The following FBXO31 variants were observed in gnomAD, a reference collection of about 807,000 sequenced individuals.
The protein encoded by FBXO31 is F-box only protein 31.
FBXO31 carries 24 observed loss-of-function variants against 54.4 expected under a neutral mutation model. The ratio of observed to expected loss-of-function variants is 0.44; its 90% CI spans 0.32 to 0.62. The LOEUF (loss-of-function observed/expected upper bound fraction) is 0.62, where lower values mean the gene tolerates loss of function less well. FBXO31 is among the 20% of genes least tolerant of loss of function. FBXO31 has a pLI of 0.05. For missense variants in FBXO31, 665 were observed against 787.1 expected (o/e 0.84, Z 1.86); for synonymous variants, 388 against 335.6 (o/e 1.16, Z -1.71).
intron 1 of FBXO31, among the ~76,000 whole-genome samples, chr16:87,374,441 G>C (rs984760556): frequency 6.6e-6 from 1 of 152,110 alleles, no homozygotes; most frequent in East Asian, 1.9e-4. Flanking sequence ...GATTTATTGG[G>C]TACTGCACTG....
Position 87,343,804 on chromosome 16 carries a change from C to T in FBXO31, c.490-39G>A, listed in dbSNP as rs768282215. The T allele has an allele frequency of 1.1e-5, 18 of 1,610,406 alleles. No homozygotes were observed. The East Asian group carries it at 2.2e-4, about 20-fold the overall frequency. On this transcript the variant is annotated intron_variant, in intron 3 of 8. Coordinates refer to ENST00000311635, the MANE Select transcript of FBXO31 (RefSeq NM_024735.5). ...TGGGCAAAGGTCCATGAGTGGCTCCCGGGCCAGAGCAAGGGCGGCCCCGCA... is the reference window on the plus strand; with the variant it reads ...TGGGCAAAGGTCCATGAGTGGCTCCTGGGCCAGAGCAAGGGCGGCCCCGCA...
rs796789618 is a variant in FBXO31, at chr16:87,358,951, G to C, written c.412+1344C>G. Among the ~76,000 whole-genome samples the C allele has an allele frequency of 1.3e-5, 2 of 152,120 alleles. No individual in the cohort carries two copies. On this transcript the variant is annotated intron_variant, in intron 2 of 8. Transcript: ENST00000311635. This position sits in a 1 kb window ranked among gnomAD's most constrained non-coding sequence, Gnocchi z 4.0. The stretch of plus-strand genomic sequence containing the variant: ...CAGCCTGCTAACTCAGGCCAGCCTC[G>C]TCACAGGTCATCCAAGGTTGCCCAA...
chr16:87,337,848 A>C (rs985970647), intron 5 of FBXO31, among the ~76,000 whole-genome samples: 7 of 152,164 alleles, frequency 4.6e-5, no homozygotes, highest in African/African-American at 1.4e-4. Context: ...AATGGAGCCT[A>C]TCTTTGCAAA....
chr16:87,378,194 C>G (rs1906914417), intron 1 of FBXO31, among the ~76,000 whole-genome samples: 1 of 151,402 alleles, frequency 6.6e-6, no homozygotes, highest in African/African-American at 2.4e-5. Flanking sequence ...GAAATCTATC[C>G]AGATTACATA....
At chr16:87,366,699 G>A (rs1476182068) in intron 1 of FBXO31, among the ~76,000 whole-genome samples, 1 of 152,200 alleles carries the variant, frequency 6.6e-6, no homozygotes, top group Non-Finnish European at 1.5e-5. Context: ...AGAAACTGAT[G>A]AAAGAGCTCC....
intron 2 of FBXO31, among the ~76,000 whole-genome samples, chr16:87,349,029 A>G (rs1367694457): frequency 6.6e-6 from 1 of 152,230 alleles, no homozygotes; most frequent in African/African-American, 2.4e-5. Flanking sequence ...CAGAGACAGG[A>G]AACATTCATA....
chr16:87,384,203 A>G (rs1338089107), upstream of FBXO31: 1 of 152,498 alleles, frequency 6.6e-6, no homozygotes, highest in Admixed American at 6.5e-5. Context: ...GCCGGTGAGT[A>G]GAAAGATGCG....
rs1422261788 is a variant in FBXO31 at position 87,338,719 on chromosome 16, T to C, written c.733-2455A>G. Among the ~76,000 whole-genome samples, 2 of 152,032 alleles carry C rather than the reference T, an allele frequency of 1.3e-5. No individual in the cohort carries two copies. The highest frequency in any genetic ancestry group is 2.9e-5 in the Non-Finnish European group (2 of 68,008). On this transcript the variant is annotated intron_variant, in intron 5 of 8. Transcript: ENST00000311635. This position sits in a 1 kb window ranked among gnomAD's most constrained non-coding sequence, Gnocchi z 4.3. ...ATGCAGGGATGCCAAAGAGACTGCATTGCCCTCGAAGCCTCCCCTGTCCAG... is the reference window on the plus strand; with the variant it reads ...ATGCAGGGATGCCAAAGAGACTGCACTGCCCTCGAAGCCTCCCCTGTCCAG...
chr16:87,350,451 G>A (rs1375971101), intron 2 of FBXO31, among the ~76,000 whole-genome samples: 2 of 152,170 alleles, frequency 1.3e-5, no homozygotes, highest in African/African-American at 4.8e-5. Flanking sequence ...ACAGGACACA[G>A]TCAAGCCAGT....
intron 1 of FBXO31, among the ~76,000 whole-genome samples, chr16:87,372,570 GT>G (rs1415295072): frequency 1.3e-5 from 2 of 151,992 alleles, no homozygotes; most frequent in East Asian, 3.9e-4. Flanking sequence ...ATTTCTTTTT[GT>G]TTTTTTAGAG....
Position 87,331,277 on chromosome 16 carries a change from G to C in FBXO31, c.*11C>G. 1 of 1,610,800 alleles carries C rather than the reference G, an allele frequency of 6.2e-7. No individual in the cohort carries two copies. The highest frequency in any genetic ancestry group is 1.7e-5 in the Admixed American group (1 of 59,968). On this transcript the variant is annotated 3_prime_UTR_variant, in exon 9 of 9. Transcript: ENST00000311635. ...GAGCCACCCGGGATGTGGCGGCAAG[G>C]ATGTGGCCGGTCAGGAGGTGAGGGA...
intron 1 of FBXO31, among the ~76,000 whole-genome samples, chr16:87,366,019 A>T (rs2150689683): frequency 6.6e-6 from 1 of 152,286 alleles, no homozygotes; most frequent in East Asian, 1.9e-4. Flanking sequence ...ACAGTGTGAG[A>T]CTGCTTCTCA....
intron 2 of FBXO31, among the ~76,000 whole-genome samples, chr16:87,356,385 G>A (rs6419429): frequency 0.98 from 149,119 of 152,262 alleles, 73,098 homozygotes; most frequent in East Asian, 1. Flanking sequence ...AGTCTAGAAC[G>A]GCACAAATGT....
upstream of FBXO31, among the ~76,000 whole-genome samples, chr16:87,390,891 C>T (rs942564226): frequency 1.3e-5 from 2 of 152,146 alleles, no homozygotes; most frequent in Non-Finnish European, 2.9e-5. Flanking sequence ...GAGCCACCGC[C>T]CCCCGCTATT....
In FBXO31 at chr16:87,360,353, G is replaced by A. The variant is rs753764661; in HGVS notation, c.354C>T (p.Cys118=). 1.3e-5 allele frequency: 21 copies of A among 1,613,902 alleles called. No homozygotes were observed. Among genetic ancestry groups the A allele is most frequent in the African/African-American group, 2.7e-5 (2 of 74,930 alleles). ...RRRCREEYGV[C]ENLRKLEITG... is the part of the protein sequence containing the mutation. Reference sequence around the variant, plus strand: ...TGATCTCCAGCTTCCGCAAGTTTTCGCAAACACCATACTCTGTAACAAGAA... The same window carrying A: ...TGATCTCCAGCTTCCGCAAGTTTTCACAAACACCATACTCTGTAACAAGAA... The change falls in exon 2 of 9, where the codon TGC becomes TGT. Residue 118 remains cysteine (C), a synonymous_variant. Coordinates refer to ENST00000311635, the MANE Select transcript of FBXO31 (RefSeq NM_024735.5).
intron 1 of FBXO31, among the ~76,000 whole-genome samples, chr16:87,364,672 A>G (rs771713390): frequency 6.6e-6 from 1 of 152,184 alleles, no homozygotes; most frequent in Non-Finnish European, 1.5e-5. Flanking sequence ...CTTATCAGCT[A>G]CAGTGAACTC....
At chr16:87,339,273 C>T (rs1338884873) in intron 5 of FBXO31, among the ~76,000 whole-genome samples, 2 of 152,232 alleles carry the variant, frequency 1.3e-5, no homozygotes, top group African/African-American at 4.8e-5. Flanking sequence ...TCCAGACCTC[C>T]TGGGATGTCC....
chr16:87,336,336 G>A lies in FBXO31; in HGVS notation c.733-72C>T. Reference sequence around the variant, plus strand: ...TGAAGAGGCTGCCGGCTGTGCCGCTGAGAGGACACAGTGTGTCCTTCTTTG... The same window carrying A: ...TGAAGAGGCTGCCGGCTGTGCCGCTAAGAGGACACAGTGTGTCCTTCTTTG... On this transcript the variant is annotated intron_variant, in intron 5 of 8. Coordinates refer to ENST00000311635, the MANE Select transcript of FBXO31 (RefSeq NM_024735.5). The surrounding 1 kb of genome is among the most constrained non-coding windows in gnomAD (Gnocchi z 6.5). The A allele has an allele frequency of 1.5e-6, 2 of 1,366,256 alleles. No homozygotes were observed. The highest frequency in any genetic ancestry group is 1.2e-5 in the South Asian group (1 of 85,520). 84.6% of individuals were successfully genotyped at this position (1,366,256 alleles called of 1,614,324 possible). A position where few individuals can be genotyped will look rare whatever the true frequency, so the allele number is the denominator to read the frequency against.
rs1412925229 is a variant in FBXO31, at chr16:87,338,623, A to G, written c.733-2359T>C. On this transcript the variant is annotated intron_variant, in intron 5 of 8. Coordinates refer to ENST00000311635, the MANE Select transcript of FBXO31 (RefSeq NM_024735.5). The surrounding 1 kb of genome is among the most constrained non-coding windows in gnomAD (Gnocchi z 4.3). ...GGGAACCCACAACCCTGGGAACATC[A>G]TCAGATCATGCCAGTGACGCAGCCT... Among the ~76,000 whole-genome samples, 2 of 152,134 alleles carry G rather than the reference A, an allele frequency of 1.3e-5. No homozygotes were observed. The highest frequency in any genetic ancestry group is 2.4e-5 in the African/African-American group (1 of 41,416).
Sources: gnomAD v4.1 joint callset for allele counts (sites outside exome capture counted in the v4.1 genomes callset) on GRCh38, gnomAD v4.1.1 for gene constraint, Gnocchi (gnomAD v3.1) non-coding constraint, MANE v1.5 for transcripts, NCBI Gene and HGNC (gene_info 2026-07-23, HGNC 2026-07-21) for gene names.